Variants in GAS7 observed in about 807,000 individuals in gnomAD.
GAS7 encodes the protein growth arrest specific 7, also known as growth arrest-specific protein 7.
In GAS7, 28 loss-of-function variants were observed where a neutral mutation model predicts 71.1. That is an observed-to-expected ratio of 0.39 (90% confidence interval 0.29 to 0.54). The LOEUF (loss-of-function observed/expected upper bound fraction) is 0.54, where lower values mean the gene tolerates loss of function less well. GAS7 is among the 20% of genes least tolerant of loss of function. The pLI is 0.62. For missense variants in GAS7, 436 were observed against 627.8 expected (o/e 0.69, Z 3.27); for synonymous variants, 258 against 245.8 (o/e 1.05, Z -0.46).
intron 5 of GAS7, among the ~76,000 whole-genome samples, chr17:9,956,636 C>T (rs73273018): frequency 0.043 from 6,600 of 152,228 alleles, 436 homozygotes; most frequent in African/African-American, 0.15. Context: ...AGCCCCTGCC[C>T]GTTGCTGTCA....
chr17:9,928,471 C>G (rs1388932513), intron 9 of GAS7, among the ~76,000 whole-genome samples: 3 of 152,066 alleles, frequency 2.0e-5, no homozygotes, highest in Non-Finnish European at 4.4e-5. Flanking sequence ...TGGTCAAAGC[C>G]AGGTGGCACC....
intron 1 of GAS7, among the ~76,000 whole-genome samples, chr17:10,104,678 T>A (rs951190309): frequency 2.0e-5 from 3 of 152,184 alleles, no homozygotes; most frequent in African/African-American, 7.2e-5. Context: ...CCACCATCTA[T>A]CATCCTGTTG....
In GAS7 at chr17:10,186,161, G is replaced by A. The variant is rs371495076; in HGVS notation, c.183+12047C>T. ...TTTAATAGAGACGGGGTTTCACTGCGTTAGCCAGGATGGTCTCGATCTCCT... is the reference window on the plus strand; with the variant it reads ...TTTAATAGAGACGGGGTTTCACTGCATTAGCCAGGATGGTCTCGATCTCCT... On this transcript the variant is annotated intron_variant, in intron 1 of 13. Transcript: ENST00000432992. 1.6e-4 allele frequency among the ~76,000 whole-genome samples: 24 copies of A among 151,178 alleles called. No homozygotes were observed. In the East Asian group the frequency reaches 1.8e-3, roughly 11 times the overall value.
intron 1 of GAS7, among the ~76,000 whole-genome samples, chr17:10,185,987 G>A (rs1482272465): frequency 3.2e-5 from 4 of 125,988 alleles, no homozygotes; most frequent in South Asian, 4.9e-4. Context: ...ACGGAGTCTC[G>A]CTCTGACACC....
chr17:10,181,158 G>A (rs111878379), intron 1 of GAS7, among the ~76,000 whole-genome samples: 19,976 of 147,388 alleles, frequency 0.14, 1,456 homozygotes, highest in Middle Eastern at 0.17. Flanking sequence ...TCAGGAGATC[G>A]AGACCATCCT....
intron 2 of GAS7, among the ~76,000 whole-genome samples, chr17:9,992,894 G>A (rs1597632063): frequency 1.3e-5 from 2 of 151,840 alleles, no homozygotes; most frequent in East Asian, 3.9e-4. Flanking sequence ...TGAGAATGAT[G>A]ATTTCCAGTT....
chr17:9,966,304 C>G (rs976984362), intron 4 of GAS7, among the ~76,000 whole-genome samples: 3 of 151,988 alleles, frequency 2.0e-5, no homozygotes, highest in Admixed American at 6.6e-5. Context: ...GCCCCCTCCC[C>G]CCAAAATTCT....
In GAS7 at chr17:10,133,123, T is replaced by TATATATATATATATATA. The variant is rs770717224; in HGVS notation, c.183+65084_183+65085insTATATATATATATATAT. 3.8e-3 allele frequency among the ~76,000 whole-genome samples: 494 copies of TATATATATATATATATA among 129,122 alleles called. 5 individuals carry two copies. The highest frequency in any genetic ancestry group is 0.017 in the Middle Eastern group (4 of 240). The allele number at this position is 129,122 out of a possible 152,430, so 84.7% of individuals were successfully genotyped here. ...TATAATTAGATTATATATTTTTATA[T>TATATATATATATATATA]TTTTTTTTTTTCTTTTTTGAGATGG... On this transcript the variant is annotated intron_variant, in intron 1 of 13. Transcript: ENST00000432992.
chr17:9,941,175 G>A (rs1297307119), intron 7 of GAS7, among the ~76,000 whole-genome samples: 3 of 152,182 alleles, frequency 2.0e-5, no homozygotes, highest in Non-Finnish European at 2.9e-5. Context: ...TCACAATCTC[G>A]TTCCTTCTTG....
In GAS7 at chr17:9,944,849, G is replaced by C. The variant is rs578213399; in HGVS notation, c.616-1613C>G. 3.6e-4 allele frequency among the ~76,000 whole-genome samples: 55 copies of C among 152,352 alleles called. 3 individuals are homozygous for C. The South Asian group carries it at 0.011, about 31-fold the overall frequency. ...TGAGCTCAAATCTGCCTCCCTTCTAGGATGGATATGCTGAGCTATGCACTC... is the reference window on the plus strand; with the variant it reads ...TGAGCTCAAATCTGCCTCCCTTCTACGATGGATATGCTGAGCTATGCACTC... On this transcript the variant is annotated intron_variant, in intron 6 of 13. Transcript: ENST00000432992.
At chr17:10,018,617 C>T (rs1272994814) in intron 2 of GAS7, among the ~76,000 whole-genome samples, 1 of 152,176 alleles carries the variant, frequency 6.6e-6, no homozygotes, top group African/African-American at 2.4e-5. Context: ...ACCTCTTGCG[C>T]TAGAACACCC....
chr17:10,161,928 G>A (rs1273510621), intron 1 of GAS7, among the ~76,000 whole-genome samples: 6 of 152,068 alleles, frequency 3.9e-5, no homozygotes, highest in Admixed American at 1.3e-4. Context: ...TTAGCCAGGC[G>A]TGGTGGCGGG....
intron 1 of GAS7, among the ~76,000 whole-genome samples, chr17:10,185,280 G>A (rs1158765586): frequency 6.6e-6 from 1 of 152,176 alleles, no homozygotes; most frequent in Non-Finnish European, 1.5e-5. Context: ...ACACATGGAG[G>A]TGCTAGGAGA....
intron 3 of GAS7, among the ~76,000 whole-genome samples, chr17:9,973,461 C>G (rs2070056557): frequency 6.6e-6 from 1 of 152,040 alleles, no homozygotes; most frequent in Non-Finnish European, 1.5e-5. Context: ...ACTATGTTGA[C>G]CAGGCTGGTC....
In GAS7 at chr17:9,928,751, G is replaced by A. The variant is rs1379397882; in HGVS notation, c.886-1982C>T. ...AAGCAACTGACTTACACGGGGCTGG[G>A]AGCTCCAAGCGGGCAGGGGCCCCAT... On this transcript the variant is annotated intron_variant, in intron 9 of 13. Coordinates refer to ENST00000432992, the MANE Select transcript of GAS7 (RefSeq NM_201433.2). Among the ~76,000 whole-genome samples the A allele has an allele frequency of 3.9e-5, 6 of 152,218 alleles. No individual in the cohort carries two copies. In the South Asian group the frequency reaches 6.2e-4, roughly 16 times the overall value.
At chr17:9,923,177 G>A (rs2067879143) in intron 11 of GAS7, among the ~76,000 whole-genome samples, 2 of 151,642 alleles carry the variant, frequency 1.3e-5, no homozygotes, top group Admixed American at 1.3e-4. Context: ...AAAGTGCTGG[G>A]ATTACAGGCG....
intron 1 of GAS7, among the ~76,000 whole-genome samples, chr17:10,109,616 T>C (rs1307006505): frequency 6.6e-6 from 1 of 151,964 alleles, no homozygotes; most frequent in African/African-American, 2.4e-5. Flanking sequence ...CAAAAAGAAA[T>C]CAGGATATCA....
chr17:10,058,887 T>G (rs940560923), intron 1 of GAS7, among the ~76,000 whole-genome samples: 1 of 152,152 alleles, frequency 6.6e-6, no homozygotes, highest in East Asian at 1.9e-4. Flanking sequence ...CAAATCCAAG[T>G]TTTGTAGATT....
At position 9,917,192 on chromosome 17, in the gene GAS7, T is replaced by C; in HGVS notation, c.*36A>G. Reference sequence around the variant, plus strand: ...CCCCATGGTGGGAGCCCAGCCCCCCTCCCCAGCAGGACCCCCCGAAGCTGC... The same window carrying C: ...CCCCATGGTGGGAGCCCAGCCCCCCCCCCCAGCAGGACCCCCCGAAGCTGC... On this transcript the variant is annotated 3_prime_UTR_variant, in exon 14 of 14. Transcript: ENST00000432992. The C allele has an allele frequency of 7.8e-6, 8 of 1,026,922 alleles. No individual in the cohort carries two copies. The highest frequency in any genetic ancestry group is 3.4e-5 in the Admixed American group (2 of 58,792). The allele number at this position is 1,026,922 out of a possible 1,614,324, so 63.6% of individuals were successfully genotyped here.
Sources: allele counts gnomAD v4.1 joint callset (sites outside exome capture counted in the v4.1 genomes callset), GRCh38; gene constraint gnomAD v4.1.1; transcripts MANE v1.5; gene names NCBI Gene and HGNC (gene_info 2026-07-23, HGNC 2026-07-21).